The following CCT4 variants were observed in gnomAD, a reference collection of about 807,000 sequenced individuals.
CCT4 encodes chaperonin containing TCP1 subunit 4.
In CCT4, 17 loss-of-function variants were observed where a neutral mutation model predicts 62.5. The observed-to-expected ratio is 0.27, with a 90% CI of 0.19 to 0.41. The LOEUF (loss-of-function observed/expected upper bound fraction) is 0.41. Ranked by LOEUF, CCT4 falls within the 10% of genes least tolerant of loss-of-function variation. The pLI is 1.00. For synonymous variants in CCT4, 250 were observed against 229.9 expected, an observed-to-expected ratio of 1.09 and a Z score of -0.79; for missense variants, 592 against 659.2, an observed-to-expected ratio of 0.90 and a Z score of 1.12.
chr2:61,875,576 C>CTT (rs1200911131), intron 8 of CCT4, among the ~76,000 whole-genome samples: 1 of 101,916 alleles, frequency 9.8e-6, no homozygotes, highest in African/African-American at 3.7e-5. Flanking sequence ...GAGTGAGACT[C>CTT]TGTCTCAAAA....
intron 12 of CCT4, among the ~76,000 whole-genome samples, chr2:61,871,012 C>A (rs1195651904): frequency 3.3e-5 from 5 of 151,774 alleles, no homozygotes; most frequent in South Asian, 4.2e-4. Context: ...TAATCAGGGG[C>A]CTCCTCATTC....
intron 4 of CCT4, among the ~76,000 whole-genome samples, chr2:61,879,720 G>T (rs1234328571): frequency 6.6e-6 from 1 of 151,448 alleles, no homozygotes; most frequent in South Asian, 2.1e-4. Flanking sequence ...AAGAGTCCAA[G>T]ATTAGTAATA....
At position 61,879,043 on chromosome 2, in the gene CCT4, G is replaced by T. The variant is rs775225863; in HGVS notation, c.380-32C>A. On this transcript the variant is annotated intron_variant, in intron 4 of 13. Transcript: ENST00000394440. ...TTTGTGAAAGTCTAGTTATTTAATT[G>T]TAACAGGTAAACTACACATTTGACA... is the stretch of plus-strand genomic sequence containing the variant. The T allele has an allele frequency of 5.2e-6, 8 of 1,531,728 alleles. No homozygotes were observed. The South Asian group carries it at 6.1e-5, about 12-fold the overall frequency. 94.9% of individuals were successfully genotyped at this position (1,531,728 alleles called of 1,614,324 possible). A position where few individuals can be genotyped will look rare whatever the true frequency, so the allele number is the denominator to read the frequency against.
At chr2:61,873,956 C>A (rs565560853) in intron 8 of CCT4, among the ~76,000 whole-genome samples, 117 of 151,668 alleles carry the variant, frequency 7.7e-4, no homozygotes, top group Non-Finnish European at 1.4e-3. Context: ...CACCTCGGCC[C>A]CACAAAGTGC....
At chr2:61,874,082 C>A (rs1251369652) in intron 8 of CCT4, among the ~76,000 whole-genome samples, 1 of 152,112 alleles carries the variant, frequency 6.6e-6, no homozygotes, top group Non-Finnish European at 1.5e-5. Context: ...AATTCAGACT[C>A]CACAAATTTA....
chr2:61,885,195 G>T, intron 1 of CCT4, 123 bp from the exon 2 acceptor site: 1 of 594,594 alleles, frequency 1.7e-6, no homozygotes, highest in Non-Finnish European at 2.7e-6. Flanking sequence ...TCCCACCTCA[G>T]CCTCCCAGAA....
rs1234370374 is a variant in CCT4 at position 61,879,274 on chromosome 2, T to TTTC, written c.380-264_380-263insGAA. ...TTTTATACTTTTTTTTTTTTTTTTT[T>TTTC]TTTCTGAGACAGGGTCTTACTCTGT... On this transcript the variant is annotated intron_variant, in intron 4 of 13. Coordinates refer to ENST00000394440, the MANE Select transcript of CCT4 (RefSeq NM_006430.4). Among the ~76,000 whole-genome samples, 68 of 145,816 alleles carry TTTC rather than the reference T, an allele frequency of 4.7e-4. No homozygotes were observed. The South Asian group carries it at 0.014, about 30-fold the overall frequency.
At position 61,868,684 on chromosome 2, in the gene CCT4, T is replaced by C; in HGVS notation, c.*8A>G. On this transcript the variant is annotated 3_prime_UTR_variant, in exon 14 of 14. Transcript: ENST00000394440. ...GGTGATCATAATGGTGCTAGTCAGT[T>C]ATCCAGATTATCGAGTGTTTACCTG... 6.3e-7 allele frequency: 1 copy of C among 1,589,260 alleles called. No homozygotes were observed. The highest frequency in any genetic ancestry group is 8.6e-7 in the Non-Finnish European group (1 of 1,157,476).
intron 3 of CCT4, among the ~76,000 whole-genome samples, chr2:61,882,038 A>G (rs1384448925): frequency 1.3e-5 from 2 of 151,850 alleles, no homozygotes; most frequent in East Asian, 3.9e-4. Context: ...GGTTCAAGCA[A>G]TTCTCCTGTC....
intron 1 of CCT4, among the ~76,000 whole-genome samples, chr2:61,887,376 G>A (rs1176878260): frequency 1.3e-5 from 2 of 152,124 alleles, no homozygotes; most frequent in Non-Finnish European, 2.9e-5. Context: ...CTCACAGCAA[G>A]CCTACACGAT....
In CCT4 at chr2:61,888,550, G is replaced by T. The variant is rs761086432; in HGVS notation, c.-43C>A. ...CTGGGTTGGCTCGGGAAGGACGGAT[G>T]GACCCGGATTCTGGCCGGCCGCAGT... On this transcript the variant is annotated 5_prime_UTR_variant, in exon 1 of 14. Coordinates refer to ENST00000394440, the MANE Select transcript of CCT4 (RefSeq NM_006430.4). 5 of 1,594,228 alleles carry T rather than the reference G, an allele frequency of 3.1e-6. No individual in the cohort carries two copies. In the African/African-American group the frequency reaches 4.0e-5, roughly 13 times the overall value.
In CCT4 at chr2:61,870,732, AAC is replaced by A. The variant is rs1466481748; in HGVS notation, c.1492-1181_1492-1180del. ...TCAGGAGTGCAAAACCAGCCTCAGC[AAC>A]ACAGTGAAACACCATATCTACTAAA... On this transcript the variant is annotated intron_variant, in intron 12 of 13. Coordinates refer to ENST00000394440, the MANE Select transcript of CCT4 (RefSeq NM_006430.4). 3.9e-5 allele frequency among the ~76,000 whole-genome samples: 6 copies of A among 152,242 alleles called. 1 individual carries two copies. The South Asian group carries it at 1.2e-3, about 32-fold the overall frequency.
chr2:61,868,895 G>C, intron 13 of CCT4, 189 bp from the exon 14 acceptor site: 1 of 530,986 alleles, frequency 1.9e-6, no homozygotes, highest in East Asian at 3.4e-5. Flanking sequence ...CCAGCACTTT[G>C]GGAGGCTGAG....
At chr2:61,881,917 A>AT (rs199851962) in intron 3 of CCT4, among the ~76,000 whole-genome samples, 2,245 of 147,862 alleles carry the variant, frequency 0.015, 47 homozygotes, top group African/African-American at 0.052. Context: ...ACTCAGAGGG[A>AT]TTTTTTTGAT....
At position 61,876,177 on chromosome 2, in the gene CCT4, C is replaced by T. The variant is rs777563170; in HGVS notation, c.835G>A (p.Glu279Lys). 6.2e-7 allele frequency: 1 copy of T among 1,610,280 alleles called. No homozygotes were observed. The highest frequency in any genetic ancestry group is 8.5e-7 in the Non-Finnish European group (1 of 1,176,948). Residue 279 changes from glutamate (E) to lysine (K), a missense_variant, in exon 8 of 14, where the codon GAG (glutamate) becomes AAG (lysine). By Grantham distance (56) the Glu-to-Lys change is moderately conservative (BLOSUM62 1). This residue lies in a region of CCT4 where 522 missense variants were observed against 571.2 expected (regional missense o/e 0.91). Coordinates refer to ENST00000394440, the MANE Select transcript of CCT4 (RefSeq NM_006430.4). ...ACTAAATTTAAAATATAGGCTCTCTCTTCTCGCAGCACTCGGTCCATCTGG... is the reference window on the plus strand; with the variant it reads ...ACTAAATTTAAAATATAGGCTCTCTTTTCTCGCAGCACTCGGTCCATCTGG... Reference protein sequence around the residue: ...YAQMDRVLREERAYILNLVKQ... With the variant: ...YAQMDRVLREKRAYILNLVKQ...
intron 5 of CCT4, 63 bp from the exon 6 acceptor site, chr2:61,877,577 T>G (rs1164199936): frequency 1.6e-6 from 2 of 1,257,958 alleles, no homozygotes; most frequent in Non-Finnish European, 2.2e-6. Flanking sequence ...AATTTTTCAA[T>G]GACAAAGATA....
At chr2:61,869,143 GAAAAAAAAAAA>G (rs33947847) in intron 13 of CCT4, among the ~76,000 whole-genome samples, 795 of 70,750 alleles carry the variant, frequency 0.011, 21 homozygotes, top group African/African-American at 0.044. Flanking sequence ...CTTCGTCTCA[GAAAAAAAAAAA>G]AAAAAAAAAA....
rs372958142 is a variant in CCT4, at chr2:61,876,222, T to C, written c.790A>G (p.Ile264Val). ...ATCTGGGCATAGTCAGAAACCACTA[T>C]TTGATTATCCATCTGTTCAGAAAAA... ...SAPKTDMDNQ[I>V]VVSDYAQMDR... is the part of the protein sequence containing the mutation. Residue 264 changes from isoleucine to valine, a missense_variant, in exon 8 of 14, where the codon ATA (isoleucine) becomes GTA (valine). By Grantham distance (29) the Ile-to-Val change is conservative. Transcript: ENST00000394440. The C allele has an allele frequency of 2.5e-6, 4 of 1,604,246 alleles. No individual in the cohort carries two copies. Among genetic ancestry groups the C allele is most frequent in the African/African-American group, 1.3e-5 (1 of 74,676 alleles).
intron 3 of CCT4, among the ~76,000 whole-genome samples, chr2:61,883,042 G>T (rs1246302102): frequency 6.6e-6 from 1 of 152,126 alleles, no homozygotes; most frequent in African/African-American, 2.4e-5. Context: ...AAATATGCCT[G>T]TTCAGCACGA....
Sources: allele counts gnomAD v4.1 joint callset (sites outside exome capture counted in the v4.1 genomes callset), GRCh38; gene constraint gnomAD v4.1.1; regional missense constraint gnomAD v4.1.1; transcripts MANE v1.5; gene names NCBI Gene and HGNC (gene_info 2026-07-23, HGNC 2026-07-21).